The following ANKRD26 variants were observed in gnomAD, a reference collection of about 807,000 sequenced individuals.
ANKRD26 encodes ankyrin repeat domain 26, also known as ankyrin repeat domain-containing protein 26.
Under a neutral mutation model 208.7 loss-of-function variants are expected in ANKRD26, and 141 were observed. The ratio of observed to expected loss-of-function variants is 0.68; its 90% CI spans 0.59 to 0.78. ANKRD26 has a LOEUF of 0.78. Among genes scored for constraint, ANKRD26 ranks in the 30% least tolerant of loss-of-function variants. The pLI is 0.00. For synonymous variants in ANKRD26, 636 were observed against 660.4 expected, an observed-to-expected ratio of 0.96 and a Z score of 0.57; for missense variants, 1,889 against 1,938.7, an observed-to-expected ratio of 0.97 and a Z score of 0.48.
At chr10:27,012,743 T>C (rs758485048) in intron 32 of ANKRD26, 139 bp downstream of exon 32, 64 of 741,438 alleles carry the variant, frequency 8.6e-5, no homozygotes, top group Non-Finnish European at 1.2e-4. Context: ...AACCTAGACA[T>C]AGAGGTTGCA....
chr10:27,061,523 A>G (rs2055055158), intron 12 of ANKRD26, among the ~76,000 whole-genome samples: 1 of 151,880 alleles, frequency 6.6e-6, no homozygotes, highest in South Asian at 2.1e-4. Flanking sequence ...TCTATATTCA[A>G]ATTAAACTCA....
chr10:26,949,136 G>A, the ANKRD26 span, among the ~76,000 whole-genome samples: 1 of 152,244 alleles, frequency 6.6e-6, no homozygotes, highest in East Asian at 1.9e-4. Flanking sequence ...CTAAGGTACA[G>A]AAAATTTTAA....
intron 11 of ANKRD26, among the ~76,000 whole-genome samples, chr10:27,064,833 A>G (rs2055182863): frequency 6.8e-6 from 1 of 147,020 alleles, no homozygotes; most frequent in Non-Finnish European, 1.5e-5. Flanking sequence ...TAATTTCAAA[A>G]AAGTATAGCA....
At chr10:27,024,130 C>G (rs183675421) in intron 28 of ANKRD26, among the ~76,000 whole-genome samples, 38 of 151,754 alleles carry the variant, frequency 2.5e-4, no homozygotes, top group Non-Finnish European at 5.2e-4. Context: ...AGGACACTAC[C>G]AAAGAGAGAA....
chr10:27,039,364 GA>G (rs1390930164), intron 21 of ANKRD26, among the ~76,000 whole-genome samples: 1 of 151,356 alleles, frequency 6.6e-6, no homozygotes, highest in Non-Finnish European at 1.5e-5. Flanking sequence ...TGAGGTGGGA[GA>G]ATTGCTTAAA....
downstream of ANKRD26, among the ~76,000 whole-genome samples, chr10:26,972,827 T>G (rs1332534182): frequency 6.6e-6 from 1 of 152,072 alleles, no homozygotes; most frequent in Non-Finnish European, 1.5e-5. Context: ...CCTGACCTTG[T>G]GATCTGCCCG....
chr10:26,996,334 G>A (rs202213785), intron 4 of ANKRD26, among the ~76,000 whole-genome samples: 1 of 152,194 alleles, frequency 6.6e-6, no homozygotes, highest in East Asian at 1.9e-4. Flanking sequence ...GGCCAAGGCA[G>A]GAGGATCACA....
At chr10:27,076,676 T>C (rs2055711065) in intron 9 of ANKRD26, among the ~76,000 whole-genome samples, 1 of 152,030 alleles carries the variant, frequency 6.6e-6, no homozygotes, top group African/African-American at 2.4e-5. Flanking sequence ...GTATAACTGA[T>C]ACCACCGAAA....
rs57014158 is a variant in ANKRD26 at position 27,044,815 on chromosome 10, T to C, written c.1986-625A>G. Reference sequence around the variant, plus strand: ...ACCAAGTAACTTGCCCAAGCACATATAGCTGGTCAGTAGCAGACCCAAAAT... The same window carrying C: ...ACCAAGTAACTTGCCCAAGCACATACAGCTGGTCAGTAGCAGACCCAAAAT... On this transcript the variant is annotated intron_variant, in intron 18 of 33. Transcript: ENST00000376087. Among the ~76,000 whole-genome samples, 372 of 152,280 alleles carry C rather than the reference T, an allele frequency of 2.4e-3. 2 individuals are homozygous for C. The highest frequency in any genetic ancestry group is 8.4e-3 in the African/African-American group (351 of 41,560).
chr10:26,954,125 C>T, the ANKRD26 span, among the ~76,000 whole-genome samples: 1 of 152,186 alleles, frequency 6.6e-6, no homozygotes, highest in East Asian at 1.9e-4. Flanking sequence ...CCCCAGGATG[C>T]TACCTTGTAA....
chr10:27,044,841 TC>T (rs2054384806), intron 18 of ANKRD26, among the ~76,000 whole-genome samples: 1 of 152,138 alleles, frequency 6.6e-6, no homozygotes, highest in Non-Finnish European at 1.5e-5. Context: ...GACCCAAAAT[TC>T]AAACCCAAAA....
rs911223071 is a variant in ANKRD26 at position 27,017,731 on chromosome 10, T to C, written c.4277A>G (p.Lys1426Arg). ...CAACTCCTCTTGAAGAATTTGGTTC[T>C]TTGTATCCAGATGTAGACATTTTGA... ...AGSKCLHLDT[K>R]NQILQEELLS... The change falls in exon 30 of 34, where the codon AAG becomes AGG. Residue 1426 changes from lysine (K) to arginine (R), a missense_variant. By Grantham distance (26) the Lys-to-Arg change is conservative (BLOSUM62 2). Coordinates refer to ENST00000376087, the MANE Select transcript of ANKRD26 (RefSeq NM_014915.3). 6.2e-7 allele frequency: 1 copy of C among 1,613,152 alleles called. No homozygotes were observed. Among genetic ancestry groups the C allele is most frequent in the African/African-American group, 1.3e-5 (1 of 74,984 alleles).
At chr10:26,955,694 A>G in the ANKRD26 span, among the ~76,000 whole-genome samples, 2 of 152,204 alleles carry the variant, frequency 1.3e-5, no homozygotes, top group African/African-American at 4.8e-5. Flanking sequence ...AACAAAGCAT[A>G]AAGAAAATAG....
chr10:27,075,827 T>C (rs1203915633), intron 9 of ANKRD26, among the ~76,000 whole-genome samples: 2 of 152,188 alleles, frequency 1.3e-5, no homozygotes, highest in Non-Finnish European at 2.9e-5. Context: ...TGGAACATTC[T>C]CCAAGATAGA....
Position 27,077,576 on chromosome 10 carries a change from A to G in ANKRD26, c.875-36T>C, listed in dbSNP as rs534307681. On this transcript the variant is annotated intron_variant, in intron 8 of 33. Coordinates refer to ENST00000376087, the MANE Select transcript of ANKRD26 (RefSeq NM_014915.3). ...AACAAAATAAAGAGTAAATGAAAATATATGTAATTAAGAATCAGTGAATAA... is the reference window on the plus strand; with the variant it reads ...AACAAAATAAAGAGTAAATGAAAATGTATGTAATTAAGAATCAGTGAATAA... 7.4e-6 allele frequency: 12 copies of G among 1,610,958 alleles called. No individual in the cohort carries two copies. The South Asian group carries it at 1.1e-4, about 15-fold the overall frequency.
Position 27,022,803 on chromosome 10 carries a change from C to T in ANKRD26, c.4086-116G>A, listed in dbSNP as rs34918850. 2.1e-3 allele frequency: 2,056 copies of T among 961,462 alleles called. 7 individuals carry two copies. The highest frequency in any genetic ancestry group is 2.9e-3 in the Non-Finnish European group (1,919 of 657,014). 59.6% of individuals were successfully genotyped at this position (961,462 alleles called of 1,614,324 possible). ...AAAAACAAATGAATCATGATTCTCT[C>T]GTTTATTTCAATCTGACATAGTTTG... On this transcript the variant is annotated intron_variant, in intron 28 of 33. Coordinates refer to ENST00000376087, the MANE Select transcript of ANKRD26 (RefSeq NM_014915.3).
At chr10:27,048,143 G>A (rs2054523789) in intron 17 of ANKRD26, among the ~76,000 whole-genome samples, 1 of 152,074 alleles carries the variant, frequency 6.6e-6, no homozygotes, top group Admixed American at 6.6e-5. Context: ...TAAGAGTTGA[G>A]CATGAGCCCC....
intron 5 of ANKRD26, among the ~76,000 whole-genome samples, chr10:26,993,477 C>T (rs1328473722): frequency 6.6e-6 from 1 of 152,064 alleles, no homozygotes; most frequent in Non-Finnish European, 1.5e-5. Flanking sequence ...CTGAGTTGGC[C>T]TAATAAAGGG....
chr10:26,990,606 C>A (rs980010968), downstream of ANKRD26, among the ~76,000 whole-genome samples: 1 of 152,092 alleles, frequency 6.6e-6, no homozygotes, highest in African/African-American at 2.4e-5. Flanking sequence ...GAAACCTAAT[C>A]CGAGCCATGT....
Sources: allele counts gnomAD v4.1 joint callset (sites outside exome capture counted in the v4.1 genomes callset), GRCh38; gene constraint gnomAD v4.1.1; transcripts MANE v1.5; gene names NCBI Gene and HGNC (gene_info 2026-07-23, HGNC 2026-07-21).